The following ZFYVE28 variants were observed in gnomAD, a reference collection of about 807,000 sequenced individuals.
The protein encoded by ZFYVE28 is zinc finger FYVE-type containing 28.
A neutral mutation model predicts 82.1 loss-of-function variants in ZFYVE28; 40 were observed. That is an observed-to-expected ratio of 0.49 (90% CI 0.38 to 0.63). The LOEUF (loss-of-function observed/expected upper bound fraction) is 0.63. Ranked by LOEUF, ZFYVE28 falls within the 30% of genes least tolerant of loss-of-function variation. ZFYVE28 has a pLI of 0.00. For synonymous variants in ZFYVE28, 612 were observed against 546.1 expected (o/e 1.12, Z -1.68); for missense variants, 1,321 against 1,242.1 (o/e 1.06, Z -0.96).
chr4:2,402,207 GC>G (rs1731260395), intron 1 of ZFYVE28, among the ~76,000 whole-genome samples: 1 of 152,230 alleles, frequency 6.6e-6, no homozygotes, highest in African/African-American at 2.4e-5. Context: ...AGACAGCGCT[GC>G]AGCTGGGAGC....
At position 2,320,986 on chromosome 4, in the gene ZFYVE28, G is replaced by A. The variant is rs555540959; in HGVS notation, c.702-715C>T. ...TGGCACCCACTCCTCTCCACGCACC[G>A]TCCAGCCCTGCCAAGCTCCGAGTGT... On this transcript the variant is annotated intron_variant, in intron 6 of 12. Transcript: ENST00000290974. The surrounding 1 kb of genome is among the most constrained non-coding windows in gnomAD (Gnocchi z 5.1). Among the ~76,000 whole-genome samples the A allele has an allele frequency of 3.9e-5, 6 of 152,122 alleles. No individual in the cohort carries two copies. Among genetic ancestry groups the A allele is most frequent in the African/African-American group, 1.2e-4 (5 of 41,494 alleles).
At position 2,394,063 on chromosome 4, in the gene ZFYVE28, C is replaced by A. The variant is rs373846057; in HGVS notation, c.39+24222G>T. ...TACTTCCCGACGCACGGCCGCCTCC[C>A]GGACCTTCAGAGCCAGCGGCATTGC... On this transcript the variant is annotated intron_variant, in intron 1 of 12. Transcript: ENST00000290974. The surrounding 1 kb of genome is among the most constrained non-coding windows in gnomAD (Gnocchi z 4.0). Among the ~76,000 whole-genome samples, 7 of 152,166 alleles carry A rather than the reference C, an allele frequency of 4.6e-5. No individual in the cohort carries two copies. The highest frequency in any genetic ancestry group is 1.7e-4 in the African/African-American group (7 of 41,430).
chr4:2,398,082 C>A (rs1296365409), intron 1 of ZFYVE28, among the ~76,000 whole-genome samples: 1 of 152,070 alleles, frequency 6.6e-6, no homozygotes, highest in Non-Finnish European at 1.5e-5. Context: ...AAGGAGGCAG[C>A]TGTCCCAACA....
Position 2,271,487 on chromosome 4 carries a change from C to G in ZFYVE28, c.2429-73G>C. The G allele has an allele frequency of 2.0e-6, 3 of 1,516,764 alleles. No individual in the cohort carries two copies. The South Asian group carries it at 3.4e-5, about 17-fold the overall frequency. 94.0% of individuals were successfully genotyped at this position (1,516,764 alleles called of 1,614,324 possible). A position where few individuals can be genotyped will look rare whatever the true frequency, so the allele number is the denominator to read the frequency against. On this transcript the variant is annotated intron_variant, in intron 11 of 12. Coordinates refer to ENST00000290974, the MANE Select transcript of ZFYVE28 (RefSeq NM_020972.3). ...GGCTGGGCCGGGACCCTCAACCTAC[C>G]CTGGGCCCTCCTTTCCAGACTGCCA...
chr4:2,377,242 C>T (rs1005081150), intron 1 of ZFYVE28, among the ~76,000 whole-genome samples: 39 of 152,214 alleles, frequency 2.6e-4, no homozygotes, highest in Non-Finnish European at 4.6e-4. Flanking sequence ...AGGATGGTCT[C>T]GATCTCCTGA....
At chr4:2,328,792 T>C (rs1478032944) in intron 6 of ZFYVE28, 5 of 259,750 alleles carry the variant, frequency 1.9e-5, no homozygotes, top group Non-Finnish European at 3.6e-5. Flanking sequence ...CATCGCAGGG[T>C]CCAACTTTGT....
chr4:2,301,051 C>A (rs1010113348), intron 8 of ZFYVE28, among the ~76,000 whole-genome samples: 1 of 152,286 alleles, frequency 6.6e-6, no homozygotes, highest in Non-Finnish European at 1.5e-5. Flanking sequence ...CTTCCTGACA[C>A]GGGGCTGTTT....
chr4:2,359,999 T>C (rs1225899406), intron 1 of ZFYVE28, among the ~76,000 whole-genome samples: 2 of 152,038 alleles, frequency 1.3e-5, no homozygotes, highest in African/African-American at 4.8e-5. Flanking sequence ...CTCGGAGCCT[T>C]TACCCACCCC....
At chr4:2,336,647 AGTGAGGATTGAGGAGTGAGGAT>A (rs1356199067) in intron 5 of ZFYVE28, among the ~76,000 whole-genome samples, 3 of 144,062 alleles carry the variant, frequency 2.1e-5, no homozygotes, top group Non-Finnish European at 4.6e-5. Context: ...GGAGGTGGGG[AGTGAGGATTGAGGAGTGAGGAT>A]GTGAGGATTG....
chr4:2,395,194 G>A (rs1730302197), intron 1 of ZFYVE28, among the ~76,000 whole-genome samples: 1 of 152,178 alleles, frequency 6.6e-6, no homozygotes, highest in Non-Finnish European at 1.5e-5. Flanking sequence ...CCCCCATCTC[G>A]GTTCCTTCTG....
At chr4:2,407,217 C>T (rs995065059) in intron 1 of ZFYVE28, among the ~76,000 whole-genome samples, 3 of 152,120 alleles carry the variant, frequency 2.0e-5, no homozygotes, top group Non-Finnish European at 4.4e-5. Context: ...GATTTGGGGG[C>T]GGTTACTTTT....
Position 2,320,391 on chromosome 4 carries a change from C to A in ZFYVE28, c.702-120G>T. 1 of 752,014 alleles carries A rather than the reference C, an allele frequency of 1.3e-6. No individual in the cohort carries two copies. 46.6% of individuals were successfully genotyped at this position (752,014 alleles called of 1,614,324 possible). On this transcript the variant is annotated intron_variant, in intron 6 of 12. Transcript: ENST00000290974. This position sits in a 1 kb window ranked among gnomAD's most constrained non-coding sequence, Gnocchi z 5.1. ...CTGGGACTCTGCAGCGCCACTGTCC[C>A]AGCACGGCCGCCGCCTCATGCTTTG...
At chr4:2,279,857 G>A (rs1373883340) in intron 8 of ZFYVE28, among the ~76,000 whole-genome samples, 1 of 152,148 alleles carries the variant, frequency 6.6e-6, no homozygotes. Context: ...ACCCATAGGG[G>A]CAGAAAGCAG....
Position 2,418,370 on chromosome 4 carries a change from A to C in ZFYVE28, c.-47T>G. On this transcript the variant is annotated 5_prime_UTR_variant, in exon 1 of 13. Transcript: ENST00000290974. This position sits in a 1 kb window ranked among gnomAD's most constrained non-coding sequence, Gnocchi z 4.6. ...ACTCCGGGCGGCCCTCGCCCTCCGC[A>C]GCGCTGCGCCCGGGCCCGGCTGAGG... is the stretch of plus-strand genomic sequence containing the variant. The C allele has an allele frequency of 7.4e-7, 1 of 1,354,650 alleles. No individual in the cohort carries two copies. Among genetic ancestry groups the C allele is most frequent in the South Asian group, 1.6e-5 (1 of 61,846 alleles). The allele number at this position is 1,354,650 out of a possible 1,614,324, so 83.9% of individuals were successfully genotyped here. A position where few individuals can be genotyped will look rare whatever the true frequency, so the allele number is the denominator to read the frequency against.
chr4:2,351,122 G>A (rs1453194629), intron 2 of ZFYVE28, among the ~76,000 whole-genome samples: 4 of 152,162 alleles, frequency 2.6e-5, no homozygotes, highest in East Asian at 1.9e-4. Flanking sequence ...ATGGGGGGCC[G>A]TCTTGTGGGA....
chr4:2,288,246 C>T (rs1166186607), intron 8 of ZFYVE28, among the ~76,000 whole-genome samples: 1 of 152,212 alleles, frequency 6.6e-6, no homozygotes, highest in African/African-American at 2.4e-5. Context: ...GCCATGATCA[C>T]TGGGTACAGG....
chr4:2,313,692 C>A (rs562492301), intron 7 of ZFYVE28, among the ~76,000 whole-genome samples: 2 of 152,036 alleles, frequency 1.3e-5, no homozygotes, highest in East Asian at 1.9e-4. Context: ...ATGGTGAAAC[C>A]CAGTCTGTAC....
At chr4:2,294,925 G>A (rs1428415821) in intron 8 of ZFYVE28, among the ~76,000 whole-genome samples, 1 of 151,790 alleles carries the variant, frequency 6.6e-6, no homozygotes, top group Non-Finnish European at 1.5e-5. Context: ...AGGCCAGCCT[G>A]GGCAACATAG....
chr4:2,271,913 G>T, intron 10 of ZFYVE28, 134 bp from the exon 11 acceptor site: 1 of 769,028 alleles, frequency 1.3e-6, no homozygotes. Context: ...CAGTCTCATG[G>T]CAGGTGGCAC....
Sources: allele counts gnomAD v4.1 joint callset (sites outside exome capture counted in the v4.1 genomes callset), GRCh38; gene constraint gnomAD v4.1.1; non-coding constraint Gnocchi (gnomAD v3.1); transcripts MANE v1.5; gene names NCBI Gene and HGNC (gene_info 2026-07-23, HGNC 2026-07-21).